The following TAFA1 variants were observed in gnomAD, a reference collection of about 807,000 sequenced individuals.
TAFA1 encodes TAFA chemokine like family member 1, also known as chemokine-like protein TAFA-1.
TAFA1 carries 4 observed loss-of-function variants against 18.5 expected under a neutral mutation model. That is an observed-to-expected ratio of 0.22 (90% CI 0.11 to 0.49). The LOEUF is 0.49. Among genes scored for constraint, TAFA1 ranks in the 20% least tolerant of loss-of-function variants. The pLI is 0.98. For missense variants in TAFA1, 147 were observed against 169.0 expected, an observed-to-expected ratio of 0.87 and a Z score of 0.72; for synonymous variants, 56 against 55.2, an observed-to-expected ratio of 1.01 and a Z score of -0.06.
intron 2 of TAFA1, among the ~76,000 whole-genome samples, chr3:68,202,203 C>G (rs559458385): frequency 3.3e-5 from 5 of 151,742 alleles, no homozygotes; most frequent in Non-Finnish European, 7.4e-5. Flanking sequence ...ATAATATTAG[C>G]ATAGTATATT....
At chr3:67,991,896 G>A in the TAFA1 span, among the ~76,000 whole-genome samples, 616 of 152,188 alleles carry the variant, frequency 4.0e-3, 3 homozygotes, top group African/African-American at 0.014. Context: ...TCTATAAACT[G>A]TCAATATATC....
intron 2 of TAFA1, among the ~76,000 whole-genome samples, chr3:68,393,678 C>T (rs2106720483): frequency 6.6e-6 from 1 of 152,316 alleles, no homozygotes; most frequent in East Asian, 1.9e-4. Flanking sequence ...ATCAAGTCAG[C>T]TTCATCCCGA....
At chr3:68,423,562 G>A (rs1466375843) in intron 3 of TAFA1, among the ~76,000 whole-genome samples, 1 of 152,048 alleles carries the variant, frequency 6.6e-6, no homozygotes, top group Non-Finnish European at 1.5e-5. Flanking sequence ...CCAGTTCATT[G>A]GGCAATACCT....
At chr3:68,386,879 GA>G (rs2070116278) in intron 2 of TAFA1, among the ~76,000 whole-genome samples, 1 of 151,950 alleles carries the variant, frequency 6.6e-6, no homozygotes. Context: ...TAGGTCCTAG[GA>G]ACAATTTCCC....
intron 3 of TAFA1, among the ~76,000 whole-genome samples, chr3:68,460,826 T>TG (rs1180886336): frequency 7.9e-5 from 12 of 152,356 alleles, no homozygotes; most frequent in African/African-American, 2.4e-4. Flanking sequence ...GCTGCTAGTC[T>TG]GGGGATCACA....
intron 2 of TAFA1, among the ~76,000 whole-genome samples, chr3:68,249,903 T>C (rs1204282788): frequency 1.3e-5 from 2 of 152,158 alleles, no homozygotes; most frequent in African/African-American, 2.4e-5. Context: ...ACAACTTTAG[T>C]GTGATTCATG....
chr3:68,270,881 A>G (rs1240559553), intron 2 of TAFA1, among the ~76,000 whole-genome samples: 3 of 152,196 alleles, frequency 2.0e-5, no homozygotes, highest in Non-Finnish European at 4.4e-5. Flanking sequence ...TTGTTTTTTA[A>G]GAAAGCTGAC....
chr3:68,517,366 T>C (rs1682186895), intron 3 of TAFA1, among the ~76,000 whole-genome samples: 1 of 152,216 alleles, frequency 6.6e-6, no homozygotes, highest in South Asian at 2.1e-4. Context: ...AAGAATCAGT[T>C]CCTAAAAGTG....
chr3:68,463,251 C>G (rs932401775), intron 3 of TAFA1, among the ~76,000 whole-genome samples: 2 of 152,084 alleles, frequency 1.3e-5, no homozygotes, highest in Non-Finnish European at 2.9e-5. Flanking sequence ...ATTGCTGTCT[C>G]CTCTTAATCT....
chr3:68,153,363 G>T (rs1015194523), intron 2 of TAFA1, among the ~76,000 whole-genome samples: 2 of 152,090 alleles, frequency 1.3e-5, no homozygotes, highest in Admixed American at 1.3e-4. Flanking sequence ...CACTTTCAAG[G>T]ACCAGTTAAA....
chr3:68,079,228 A>C (rs1187049966), intron 2 of TAFA1, among the ~76,000 whole-genome samples: 1 of 152,108 alleles, frequency 6.6e-6, no homozygotes, highest in East Asian at 1.9e-4. Flanking sequence ...TCTTGCTAGT[A>C]GTCTATCAAT....
chr3:68,443,446 A>C (rs1244558589), intron 3 of TAFA1, among the ~76,000 whole-genome samples: 3 of 150,468 alleles, frequency 2.0e-5, no homozygotes. Flanking sequence ...GCTGCTGATA[A>C]AGACACACCA....
chr3:68,533,225 C>G (rs1178259289), intron 3 of TAFA1, among the ~76,000 whole-genome samples: 1 of 152,096 alleles, frequency 6.6e-6, no homozygotes, highest in Non-Finnish European at 1.5e-5. Context: ...TTAATAGACT[C>G]ACAGTTCCAT....
In TAFA1 at chr3:68,079,965, A is replaced by C. The variant is rs367952681; in HGVS notation, c.118+73221A>C. On this transcript the variant is annotated intron_variant, in intron 2 of 4. Coordinates refer to ENST00000478136, the MANE Select transcript of TAFA1 (RefSeq NM_213609.4). ...GGGAGTCTAAGTCTCTTTGTAGGTC[A>C]CTCAGGACTTGCTTTATGAATCTTG... is the stretch of plus-strand genomic sequence containing the variant. Among the ~76,000 whole-genome samples, 22 of 151,628 alleles carry C rather than the reference A, an allele frequency of 1.5e-4. No individual in the cohort carries two copies. In the East Asian group the frequency reaches 3.3e-3, roughly 23 times the overall value.
intron 2 of TAFA1, among the ~76,000 whole-genome samples, chr3:68,167,459 C>G (rs2065996444): frequency 6.6e-6 from 1 of 151,914 alleles, no homozygotes; most frequent in Non-Finnish European, 1.5e-5. Flanking sequence ...CGCCTGTAGT[C>G]CCAGCTACTC....
chr3:68,095,708 C>T (rs755089639), intron 2 of TAFA1, among the ~76,000 whole-genome samples: 6 of 152,234 alleles, frequency 3.9e-5, no homozygotes, highest in South Asian at 4.1e-4. Flanking sequence ...ACTACTAATT[C>T]GTAACATTTA....
intron 2 of TAFA1, among the ~76,000 whole-genome samples, chr3:68,209,120 T>C (rs2066563273): frequency 6.6e-6 from 1 of 151,936 alleles, no homozygotes; most frequent in Non-Finnish European, 1.5e-5. Flanking sequence ...AAATGAATTC[T>C]GCCAGCAACC....
At chr3:68,007,396 T>A (rs1704377094) in intron 2 of TAFA1, among the ~76,000 whole-genome samples, 1 of 152,142 alleles carries the variant, frequency 6.6e-6, no homozygotes, top group Admixed American at 6.5e-5. Context: ...CCTCTTAATG[T>A]TCAAAGTATA....
intron 3 of TAFA1, among the ~76,000 whole-genome samples, chr3:68,461,676 T>C (rs2071785435): frequency 6.6e-6 from 1 of 151,304 alleles, no homozygotes; most frequent in African/African-American, 2.4e-5. Flanking sequence ...CTCAGTTATG[T>C]TCATCTGTCC....
Sources: allele counts gnomAD v4.1 joint callset (sites outside exome capture counted in the v4.1 genomes callset), GRCh38; gene constraint gnomAD v4.1.1; transcripts MANE v1.5; gene names NCBI Gene and HGNC (gene_info 2026-07-23, HGNC 2026-07-21).